Variants in MYO3A observed in about 807,000 individuals in gnomAD.
MYO3A encodes myosin-IIIa.
MYO3A carries 180 observed loss-of-function variants against 192.7 expected under a neutral mutation model. The observed-to-expected ratio is 0.93, with a 90% CI of 0.83 to 1.06. The LOEUF (loss-of-function observed/expected upper bound fraction) is 1.06. Among genes scored for constraint, MYO3A ranks in the 50% least tolerant of loss-of-function variants. The pLI, the probability that MYO3A is intolerant of heterozygous loss-of-function variation, is 0.00. For synonymous variants in MYO3A, 628 were observed against 645.3 expected (o/e 0.97, Z 0.41); for missense variants, 1,896 against 1,905.0 (o/e 1.00, Z 0.09).
chr10:26,078,480 G>T (rs1342190411), intron 14 of MYO3A, among the ~76,000 whole-genome samples: 1 of 151,540 alleles, frequency 6.6e-6, no homozygotes, highest in African/African-American at 2.4e-5. Flanking sequence ...CTTTTGTGGG[G>T]TTTTTTGTTT....
intron 34 of MYO3A, among the ~76,000 whole-genome samples, chr10:26,206,442 ATTAT>A: frequency 6.7e-6 from 1 of 150,022 alleles, no homozygotes; most frequent in South Asian, 2.1e-4. Context: ...ATTTTATTAT[ATTAT>A]TTATTTGTTT....
intron 20 of MYO3A, among the ~76,000 whole-genome samples, chr10:26,133,204 A>G (rs1166521783): frequency 6.6e-6 from 1 of 152,226 alleles, no homozygotes; most frequent in Non-Finnish European, 1.5e-5. Context: ...AGTGATAAGC[A>G]TTTCCTTTAA....
chr10:26,088,405 T>C lies in MYO3A; in HGVS notation c.1562T>C (p.Ile521Thr), dbSNP rs886046921. The C allele has an allele frequency of 2.5e-6, 4 of 1,612,068 alleles. No individual in the cohort carries two copies. The highest frequency in any genetic ancestry group is 3.4e-6 in the Non-Finnish European group (4 of 1,178,322). ...LEKSRVIHQAIGEKNFHIFYY... is the reference protein window; with the variant it reads ...LEKSRVIHQATGEKNFHIFYY... ...AAATCCCGAGTTATCCACCAAGCTA[T>C]GTAAGTTTATTTCAAATCTCTCCTA... The change falls in exon 15 of 35, where the codon ATT becomes ACT. Residue 521 changes from isoleucine (I) to threonine (T), a missense_variant and splice_region_variant. Transcript: ENST00000642920.
rs1842435804 is a variant in MYO3A, at chr10:26,024,099, C to G, written c.797+12C>G. Reference sequence around the variant, plus strand: ...GACTTCATAAGCAAGTGAGTAAAAACAGTCTTTTAAAAAACCAAAGATATT... The same window carrying G: ...GACTTCATAAGCAAGTGAGTAAAAAGAGTCTTTTAAAAAACCAAAGATATT... On this transcript the variant is annotated intron_variant, in intron 9 of 34. Transcript: ENST00000642920. The G allele has an allele frequency of 6.2e-7, 1 of 1,608,584 alleles. No homozygotes were observed. The highest frequency in any genetic ancestry group is 1.3e-5 in the African/African-American group (1 of 74,892).
At chr10:26,108,131 C>G (rs1488283717) in intron 17 of MYO3A, among the ~76,000 whole-genome samples, 1 of 152,126 alleles carries the variant, frequency 6.6e-6, no homozygotes, top group African/African-American at 2.4e-5. Flanking sequence ...GAGAAGCTTT[C>G]AGACTTTGCT....
intron 10 of MYO3A, among the ~76,000 whole-genome samples, chr10:26,061,471 AT>A (rs35740796): frequency 0.47 from 71,653 of 151,754 alleles, 17,746 homozygotes; most frequent in Middle Eastern, 0.59. Context: ...AAGGAAAATA[AT>A]TCCAGGTAGA....
intron 15 of MYO3A, among the ~76,000 whole-genome samples, chr10:26,094,420 CTTTTTTTTTT>C (rs965507109): frequency 8.9e-5 from 9 of 101,322 alleles, no homozygotes; most frequent in Non-Finnish European, 1.7e-4. Context: ...TGAATAATTT[CTTTTTTTTTT>C]TTTTTTTTTT....
intron 5 of MYO3A, 85 bp from the exon 6 acceptor site, chr10:25,997,074 A>G (rs1211552698): frequency 1.0e-5 from 10 of 991,092 alleles, no homozygotes; most frequent in South Asian, 9.5e-5. Flanking sequence ...TGTGTTTCCT[A>G]TTGATTTTGT....
At chr10:26,070,255 T>A (rs1835124213) in intron 13 of MYO3A, 40 bp downstream of exon 13, 1 of 1,576,912 alleles carries the variant, frequency 6.3e-7, no homozygotes, top group African/African-American at 1.4e-5. Context: ...TACCTCTTAG[T>A]TACTTAAATG....
chr10:26,019,842 T>G (rs913230754), intron 7 of MYO3A, among the ~76,000 whole-genome samples: 5 of 152,242 alleles, frequency 3.3e-5, no homozygotes, highest in Non-Finnish European at 7.3e-5. Flanking sequence ...ATGAGCAATA[T>G]TCCTATGAAT....
intron 4 of MYO3A, among the ~76,000 whole-genome samples, chr10:25,970,600 T>C (rs926412530): frequency 4.9e-4 from 74 of 151,796 alleles, no homozygotes; most frequent in African/African-American, 1.7e-3. Context: ...ATAGTAGAAA[T>C]CACTTTAGTA....
intron 4 of MYO3A, among the ~76,000 whole-genome samples, chr10:25,966,761 T>C (rs1838292960): frequency 6.6e-6 from 1 of 152,216 alleles, no homozygotes. Flanking sequence ...CAAGAAACTC[T>C]ATCAGAGGTT....
intron 32 of MYO3A, among the ~76,000 whole-genome samples, chr10:26,197,812 C>T (rs1207775055): frequency 6.6e-6 from 1 of 152,170 alleles, no homozygotes; most frequent in Admixed American, 6.5e-5. Context: ...GTGATCTGCC[C>T]GTCTTGGCCT....
rs369510142 is a variant in MYO3A at position 26,176,767 on chromosome 10, C to G, written c.4360C>G (p.Gln1454Glu). The change falls in exon 31 of 35, where the codon CAA (glutamine) becomes GAA (glutamate). Residue 1454 changes from glutamine (Q) to glutamate (E), a missense_variant. Coordinates refer to ENST00000642920, the MANE Select transcript of MYO3A (RefSeq NM_017433.5). ...KKLNEMILSQQLKSLYLGVSH... is the reference protein window; with the variant it reads ...KKLNEMILSQELKSLYLGVSH... ...ATTGAATGAAATGATTTTGTCACAG[C>G]AACTGAAGTCACTTTATCTGGGTGT... is the stretch of plus-strand genomic sequence containing the variant. The G allele has an allele frequency of 1.2e-6, 2 of 1,612,686 alleles. No individual in the cohort carries two copies. The highest frequency in any genetic ancestry group is 2.7e-5 in the African/African-American group (2 of 74,876).
intron 18 of MYO3A, among the ~76,000 whole-genome samples, chr10:26,121,292 G>A (rs1403630478): frequency 6.6e-6 from 1 of 151,734 alleles, no homozygotes; most frequent in Non-Finnish European, 1.5e-5. Context: ...TTTCTTAATA[G>A]TAGAGTTTGA....
At chr10:25,943,122 T>C (rs1006914608) in intron 2 of MYO3A, among the ~76,000 whole-genome samples, 2 of 152,074 alleles carry the variant, frequency 1.3e-5, no homozygotes, top group Non-Finnish European at 2.9e-5. Flanking sequence ...AATTTTTATA[T>C]ATGATCTAAC....
intron 15 of MYO3A, among the ~76,000 whole-genome samples, chr10:26,091,153 T>G (rs2131527561): frequency 6.6e-6 from 1 of 151,802 alleles, no homozygotes; most frequent in South Asian, 2.1e-4. Flanking sequence ...CAAAGAAGAG[T>G]GTAGAATGAT....
At chr10:25,996,810 T>G (rs1354369240) in intron 5 of MYO3A, among the ~76,000 whole-genome samples, 1 of 152,190 alleles carries the variant, frequency 6.6e-6, no homozygotes, top group Non-Finnish European at 1.5e-5. Context: ...TCTGACCTCT[T>G]AAGTGTATTT....
Position 26,212,351 on chromosome 10 carries a change from A to ATT in MYO3A, c.*398_*399dup, listed in dbSNP as rs558895234. Reference sequence around the variant, plus strand: ...TCATTTGGGGTGACTGAATTCACAGATTTTTTTTTTTATTGGAAACGGCTT... The same window carrying ATT: ...TCATTTGGGGTGACTGAATTCACAGATTTTTTTTTTTTTATTGGAAACGGCTT... On this transcript the variant is annotated 3_prime_UTR_variant, in exon 35 of 35. Transcript: ENST00000642920. The ATT allele has an allele frequency of 4.5e-4, 148 of 329,218 alleles. No homozygotes were observed. The Middle Eastern group carries it at 5.5e-3, about 12-fold the overall frequency. The allele number at this position is 329,218 out of a possible 1,614,324, so 20.4% of individuals were successfully genotyped here.
Sources: allele counts gnomAD v4.1 joint callset (sites outside exome capture counted in the v4.1 genomes callset), GRCh38; gene constraint gnomAD v4.1.1; transcripts MANE v1.5; gene names NCBI Gene and HGNC (gene_info 2026-07-23, HGNC 2026-07-21).